Variants in RBPJ observed in about 807,000 individuals in gnomAD.
RBPJ encodes recombining binding protein suppressor of hairless.
RBPJ carries 9 observed loss-of-function variants against 67.8 expected under a neutral mutation model. That is an observed-to-expected ratio of 0.13 (90% CI 0.08 to 0.23). RBPJ has a LOEUF of 0.23. RBPJ is among the 10% of genes least tolerant of loss of function. The pLI, the probability that RBPJ is intolerant of heterozygous loss-of-function variation, is 1.00. For missense variants in RBPJ, 305 were observed against 595.6 expected (o/e 0.51, Z 5.08); for synonymous variants, 198 against 203.3 (o/e 0.97, Z 0.22).
chr4:26,286,044 G>C (rs1721454045), intron 1 of RBPJ, among the ~76,000 whole-genome samples: 1 of 152,194 alleles, frequency 6.6e-6, no homozygotes, highest in South Asian at 2.1e-4. Context: ...CAAGGCTGCA[G>C]TGCGCTATGA....
At chr4:26,400,004 A>G (rs1010371773) in intron 2 of RBPJ, among the ~76,000 whole-genome samples, 4 of 152,298 alleles carry the variant, frequency 2.6e-5, no homozygotes, top group Admixed American at 2.0e-4. Flanking sequence ...TATGTAAGAA[A>G]TCATTAAATG....
chr4:26,206,229 GT>G (rs1234865245), intron 1 of RBPJ, among the ~76,000 whole-genome samples: 5 of 152,266 alleles, frequency 3.3e-5, no homozygotes, highest in African/African-American at 1.2e-4. Context: ...CAAAGCAATG[GT>G]TTTCATTTGC....
intron 1 of RBPJ, among the ~76,000 whole-genome samples, chr4:26,235,491 T>C: frequency 6.6e-6 from 1 of 152,250 alleles, no homozygotes. Flanking sequence ...AACTTTTTTT[T>C]CTTAGCTTCT....
In RBPJ at chr4:26,424,262, G is replaced by A. The variant is rs1417221074; in HGVS notation, c.497-80G>A. The A allele has an allele frequency of 7.5e-7, 1 of 1,336,938 alleles. No homozygotes were observed. The allele number at this position is 1,336,938 out of a possible 1,614,324, so 82.8% of individuals were successfully genotyped here. On this transcript the variant is annotated intron_variant, in intron 5 of 10. Transcript: ENST00000355476. The surrounding 1 kb of genome is among the most constrained non-coding windows in gnomAD (Gnocchi z 5.3). ...TGATAAGAAAGAATAATTATACACT[G>A]CCAAGCAGAATTTCCTTCTTTTGCT... is the stretch of plus-strand genomic sequence containing the variant.
upstream of RBPJ, among the ~76,000 whole-genome samples, chr4:26,160,217 C>A (rs891600150): frequency 4.6e-5 from 7 of 152,188 alleles, no homozygotes; most frequent in Non-Finnish European, 8.8e-5. Flanking sequence ...CGTGCCCAGC[C>A]AAGAAGCTTT....
intron 1 of RBPJ, among the ~76,000 whole-genome samples, chr4:26,261,639 A>G (rs980677688): frequency 2.6e-5 from 4 of 152,232 alleles, no homozygotes; most frequent in Non-Finnish European, 5.9e-5. Flanking sequence ...TAGAGTCCAG[A>G]TGATGCTTTT....
intron 1 of RBPJ, among the ~76,000 whole-genome samples, chr4:26,205,909 GA>G (rs901258567): frequency 2.3e-4 from 34 of 147,384 alleles, no homozygotes; most frequent in African/African-American, 6.2e-4. Context: ...AATTTTTTAA[GA>G]AAAAAAAAAC....
intron 1 of RBPJ, among the ~76,000 whole-genome samples, chr4:26,249,905 C>T (rs901138806): frequency 1.7e-4 from 26 of 151,318 alleles, no homozygotes; most frequent in African/African-American, 6.3e-4. Flanking sequence ...CCTGCCTCAG[C>T]CTCCCGAGTA....
intron 1 of RBPJ, among the ~76,000 whole-genome samples, chr4:26,268,016 A>G (rs1720759374): frequency 6.6e-6 from 1 of 152,214 alleles, no homozygotes; most frequent in African/African-American, 2.4e-5. Context: ...AAAAATAAAA[A>G]TGATTTTTTT....
intron 1 of RBPJ, among the ~76,000 whole-genome samples, chr4:26,380,195 A>G (rs984189649): frequency 4.6e-5 from 7 of 152,226 alleles, no homozygotes; most frequent in Admixed American, 2.0e-4. Context: ...ATTTTCAAAT[A>G]TTAACCTCTT....
chr4:26,322,649 A>G (rs905655615), intron 1 of RBPJ, among the ~76,000 whole-genome samples: 1 of 133,980 alleles, frequency 7.5e-6, no homozygotes, highest in African/African-American at 2.6e-5. Flanking sequence ...AAGTATACGT[A>G]TAATATGTAT....
chr4:26,349,268 C>T (rs1239837153), intron 1 of RBPJ, among the ~76,000 whole-genome samples: 1 of 151,970 alleles, frequency 6.6e-6, no homozygotes, highest in East Asian at 1.9e-4. Flanking sequence ...GATGGTGTCT[C>T]GCTATGTTGC....
intron 1 of RBPJ, among the ~76,000 whole-genome samples, chr4:26,309,033 A>AT (rs35277701): frequency 0.04 from 5,669 of 141,234 alleles, 136 homozygotes; most frequent in Middle Eastern, 0.11. Flanking sequence ...TAATTATCTA[A>AT]TTTTTTTTTT....
At chr4:26,350,658 A>G (rs1334988977) in intron 1 of RBPJ, among the ~76,000 whole-genome samples, 1 of 152,218 alleles carries the variant, frequency 6.6e-6, no homozygotes, top group African/African-American at 2.4e-5. Context: ...TATAAGGGAG[A>G]TAACATTCTA....
chr4:26,356,133 C>T (rs79846051), intron 1 of RBPJ, among the ~76,000 whole-genome samples: 3,219 of 152,270 alleles, frequency 0.021, 119 homozygotes, highest in African/African-American at 0.074. Flanking sequence ...GAAAACAGAA[C>T]ATCAATAGAA....
At chr4:26,368,482 T>C in intron 1 of RBPJ, among the ~76,000 whole-genome samples, 1 of 152,210 alleles carries the variant, frequency 6.6e-6, no homozygotes. Context: ...CGAGGTTTTG[T>C]GTTGTCTCTC....
chr4:26,429,826 C>G (rs1736034983), intron 8 of RBPJ, 72 bp from the exon 9 acceptor site: 12 of 1,295,076 alleles, frequency 9.3e-6, no homozygotes, highest in Admixed American at 3.9e-5. Flanking sequence ...CTGAGGGTTA[C>G]TTGGTAAAAT....
At chr4:26,116,326 G>C in the RBPJ span, among the ~76,000 whole-genome samples, 1 of 152,220 alleles carries the variant, frequency 6.6e-6, no homozygotes, top group Non-Finnish European at 1.5e-5. Flanking sequence ...TATATGGAAT[G>C]CCCGGTATGC....
At chr4:26,427,482 A>G (rs922555272) in intron 7 of RBPJ, among the ~76,000 whole-genome samples, 2 of 152,188 alleles carry the variant, frequency 1.3e-5, no homozygotes, top group African/African-American at 2.4e-5. Context: ...TTTAAACAGT[A>G]TAGATTATAA....
Sources: allele counts gnomAD v4.1 joint callset (sites outside exome capture counted in the v4.1 genomes callset), GRCh38; gene constraint gnomAD v4.1.1; non-coding constraint Gnocchi (gnomAD v3.1); transcripts MANE v1.5; gene names NCBI Gene and HGNC (gene_info 2026-07-23, HGNC 2026-07-21).